Variants in TMED5 observed in about 807,000 individuals in gnomAD.
TMED5 encodes the protein transmembrane p24 trafficking protein 5, also known as transmembrane emp24 domain-containing protein 5.
In TMED5, 27 loss-of-function variants were observed where a neutral mutation model predicts 23.0. The ratio of observed to expected loss-of-function variants is 1.17; its 90% CI spans 0.86 to 1.62. The LOEUF is 1.62. Ranked by LOEUF, TMED5 falls within the 40% of genes most tolerant of loss-of-function variation. TMED5 has a pLI of 0.00. For synonymous variants in TMED5, 97 were observed against 100.8 expected (o/e 0.96, Z 0.23); for missense variants, 248 against 273.7 (o/e 0.91, Z 0.66).
Position 93,156,346 on chromosome 1 carries a change from T to C in TMED5, c.425A>G (p.Tyr142Cys), listed in dbSNP as rs949235788. The C allele has an allele frequency of 6.2e-7, 1 of 1,613,872 alleles. No individual in the cohort carries two copies. Residue 142 changes from tyrosine (Y) to cysteine (C), a missense_variant, in exon 3 of 4, where the codon TAT becomes TGT. Physicochemically the swap from Tyr to Cys is radical, Grantham distance 194 (BLOSUM62 -2). Transcript: ENST00000370282. ...QAQEQEDWKK[Y>C]ITGTDILDMK... ...ATCCAATATATCTGTGCCAGTAATA[T>C]ATTTCTTCCAATCTTCTTGTTCTTG...
chr1:93,160,155 T>C lies in TMED5; in HGVS notation c.261A>G (p.Glu87=), dbSNP rs746877980. ...ASPEGKTLVF[E]QRKSDGVHTV... ...TGTGAACTCCATCTGATTTTCTTTGTTCAAAAACTAAGGTTTTGCCTTCTG... is the reference window on the plus strand; with the variant it reads ...TGTGAACTCCATCTGATTTTCTTTGCTCAAAAACTAAGGTTTTGCCTTCTG... Residue 87 remains glutamate (E), a synonymous_variant, in exon 2 of 4, where the codon GAA becomes GAG. Coordinates refer to ENST00000370282, the MANE Select transcript of TMED5 (RefSeq NM_016040.5). 1 of 1,612,820 alleles carries C rather than the reference T, an allele frequency of 6.2e-7. No individual in the cohort carries two copies. Among genetic ancestry groups the C allele is most frequent in the South Asian group, 1.1e-5 (1 of 91,008 alleles).
At chr1:93,173,956 T>G (rs1224487922) in intron 1 of TMED5, among the ~76,000 whole-genome samples, 2 of 150,112 alleles carry the variant, frequency 1.3e-5, no homozygotes, top group Non-Finnish European at 3.0e-5. Context: ...TACAAAGAGG[T>G]TTTTTTTTGT....
Position 93,180,293 on chromosome 1 carries a change from C to A in TMED5, c.-51G>T. The A allele has an allele frequency of 1.3e-6, 2 of 1,539,832 alleles. No individual in the cohort carries two copies. Among genetic ancestry groups the A allele is most frequent in the Middle Eastern group, 2.3e-4 (1 of 4,364 alleles). On this transcript the variant is annotated 5_prime_UTR_variant, in exon 1 of 4. Transcript: ENST00000370282. ...AAGAGGCGTCAGGTACTGTTGTCTCCGCTCCGCGTTTCCTCTCTGGACTCC... is the reference window on the plus strand; with the variant it reads ...AAGAGGCGTCAGGTACTGTTGTCTCAGCTCCGCGTTTCCTCTCTGGACTCC...
chr1:93,175,175 T>TTTTATATA (rs1553160148), intron 1 of TMED5, among the ~76,000 whole-genome samples: 1 of 119,872 alleles, frequency 8.3e-6, no homozygotes, highest in African/African-American at 4.0e-5. Context: ...TAAAAGCCAT[T>TTTTATATA]TATATATATA....
chr1:93,159,131 G>C (rs868329632), intron 2 of TMED5, among the ~76,000 whole-genome samples: 1 of 152,062 alleles, frequency 6.6e-6, no homozygotes, highest in Middle Eastern at 3.4e-3. Flanking sequence ...CAGGCATTTT[G>C]GTTAACAAAG....
At chr1:93,169,180 C>A (rs1648611070) in intron 1 of TMED5, among the ~76,000 whole-genome samples, 1 of 152,186 alleles carries the variant, frequency 6.6e-6, no homozygotes, top group Non-Finnish European at 1.5e-5. Flanking sequence ...TTCACCAACA[C>A]AGACCACATT....
At chr1:93,172,920 A>G (rs971463498) in intron 1 of TMED5, among the ~76,000 whole-genome samples, 1 of 152,236 alleles carries the variant, frequency 6.6e-6, no homozygotes, top group African/African-American at 2.4e-5. Context: ...GGAGGACATT[A>G]CACTAAGTGA....
chr1:93,155,779 A>G (rs1027664408), intron 3 of TMED5, among the ~76,000 whole-genome samples: 1 of 152,132 alleles, frequency 6.6e-6, no homozygotes, highest in Non-Finnish European at 1.5e-5. Flanking sequence ...TGCCTGGCAA[A>G]TGATTTCATT....
At chr1:93,158,122 C>CAAAAAA (rs755186139) in intron 2 of TMED5, among the ~76,000 whole-genome samples, 2 of 69,710 alleles carry the variant, frequency 2.9e-5, no homozygotes, top group African/African-American at 4.8e-5. Context: ...GACTCCGTCT[C>CAAAAAA]AAAAAAAAAA....
intron 1 of TMED5, among the ~76,000 whole-genome samples, chr1:93,179,759 A>G (rs1453347674): frequency 6.6e-6 from 1 of 152,274 alleles, no homozygotes; most frequent in Non-Finnish European, 1.5e-5. Context: ...CAGTGGGCGA[A>G]TTAGGAAACA....
At position 93,152,776 on chromosome 1, in the gene TMED5, C is replaced by G. The variant is rs1257975446; in HGVS notation, c.*1894G>C. The G allele has an allele frequency of 6.6e-6, 1 of 152,340 alleles. No individual in the cohort carries two copies. Among genetic ancestry groups the G allele is most frequent in the East Asian group, 1.9e-4 (1 of 5,190 alleles). 9.4% of individuals were successfully genotyped at this position (152,340 alleles called of 1,614,324 possible). On this transcript the variant is annotated 3_prime_UTR_variant, in exon 4 of 4. Transcript: ENST00000370282. ...TATTAGTTATGGTACTGTAAATTTG[C>G]TTCTCATTGCAAATTTAACAGCGCA... is the stretch of plus-strand genomic sequence containing the variant.
At position 93,180,324 on chromosome 1, in the gene TMED5, G is replaced by T; in HGVS notation, c.-82C>A. On this transcript the variant is annotated 5_prime_UTR_variant, in exon 1 of 4. Transcript: ENST00000370282. ...GCGTTTCCTCTCTGGACTCCTCGTG[G>T]TTGACAGGGAAATCTGGAGTCTGAA... The T allele has an allele frequency of 6.9e-7, 1 of 1,451,166 alleles. No homozygotes were observed. Among genetic ancestry groups the T allele is most frequent in the Non-Finnish European group, 9.2e-7 (1 of 1,085,928 alleles). 89.9% of individuals were successfully genotyped at this position (1,451,166 alleles called of 1,614,324 possible). A position where few individuals can be genotyped will look rare whatever the true frequency, so the allele number is the denominator to read the frequency against.
At chr1:93,163,097 A>G (rs1648344325) in intron 1 of TMED5, 1 of 152,100 alleles carries the variant, frequency 6.6e-6, no homozygotes, top group African/African-American at 2.4e-5. Flanking sequence ...AAATTTTAAA[A>G]TAAATAAATA....
intron 1 of TMED5, among the ~76,000 whole-genome samples, chr1:93,172,677 C>CTA (rs1214883158): frequency 6.6e-6 from 1 of 151,874 alleles, no homozygotes. Flanking sequence ...TAGTACAGCC[C>CTA]TATGGAAAAC....
intron 1 of TMED5, among the ~76,000 whole-genome samples, chr1:93,175,214 A>AGGTATCTTTCACTCTTCTTCCTT (rs1648870104): frequency 8.3e-6 from 1 of 121,088 alleles, no homozygotes; most frequent in Non-Finnish European, 1.6e-5. Context: ...TGGACCTCAA[A>AGGTATCTTTCACTCTTCTTCCTT]GGTATCTTTC....
intron 3 of TMED5, among the ~76,000 whole-genome samples, chr1:93,155,822 T>A (rs1245393600): frequency 2.6e-5 from 4 of 152,174 alleles, no homozygotes; most frequent in African/African-American, 9.7e-5. Context: ...CTTTAGGTAT[T>A]TACCTATTAC....
chr1:93,155,601 G>A (rs1469425806), intron 3 of TMED5, among the ~76,000 whole-genome samples: 2 of 146,080 alleles, frequency 1.4e-5, no homozygotes, highest in Admixed American at 7.1e-5. Flanking sequence ...ATTGCAACCT[G>A]AGACTGTGCC....
At chr1:93,163,717 C>T (rs992655137) in intron 1 of TMED5, among the ~76,000 whole-genome samples, 2 of 150,896 alleles carry the variant, frequency 1.3e-5, no homozygotes, top group Non-Finnish European at 3.0e-5. Flanking sequence ...GGCTTACTCC[C>T]GTAGTCCCAG....
chr1:93,160,205 C>G lies in TMED5; in HGVS notation c.211G>C (p.Asp71His). 6.2e-7 allele frequency: 1 copy of G among 1,611,434 alleles called. No individual in the cohort carries two copies. The highest frequency in any genetic ancestry group is 8.5e-7 in the Non-Finnish European group (1 of 1,178,044). ...GGAGAGGCAAGATGGAAATCAATAT[C>G]TAATCCTGCTCCATCTAAAACCTGT... ...EYQVLDGAGL[D>H]IDFHLASPEG... Residue 71 changes from aspartate to histidine, a missense_variant, in exon 2 of 4, where the codon GAT becomes CAT. Coordinates refer to ENST00000370282, the MANE Select transcript of TMED5 (RefSeq NM_016040.5).
Sources: gnomAD v4.1 joint callset for allele counts (sites outside exome capture counted in the v4.1 genomes callset) on GRCh38, gnomAD v4.1.1 for gene constraint, MANE v1.5 for transcripts, NCBI Gene and HGNC (gene_info 2026-07-23, HGNC 2026-07-21) for gene names.